The following CAND2 variants were observed in gnomAD, a reference collection of about 807,000 sequenced individuals.
CAND2 encodes the protein cullin associated and neddylation dissociated 2 (putative), also known as cullin-associated NEDD8-dissociated protein 2.
In CAND2, 62 loss-of-function variants were observed where a neutral mutation model predicts 98.9. The observed-to-expected ratio is 0.63, with a 90% CI of 0.51 to 0.77. The LOEUF (loss-of-function observed/expected upper bound fraction) is 0.77, where lower values mean the gene tolerates loss of function less well. Among genes scored for constraint, CAND2 ranks in the 30% least tolerant of loss-of-function variants. The pLI, the probability that CAND2 is intolerant of heterozygous loss-of-function variation, is 0.00. For synonymous variants in CAND2, 770 were observed against 731.9 expected (o/e 1.05, Z -0.84); for missense variants, 1,501 against 1,655.2 (o/e 0.91, Z 1.62).
intron 14 of CAND2, among the ~76,000 whole-genome samples, chr3:12,833,464 A>T (rs1316941925): frequency 6.6e-6 from 1 of 152,176 alleles, no homozygotes; most frequent in Non-Finnish European, 1.5e-5. Context: ...AGTACTTGCC[A>T]CTGTCAATTA....
intron 10 of CAND2, among the ~76,000 whole-genome samples, chr3:12,819,172 G>A (rs2061934393): frequency 6.6e-6 from 1 of 152,204 alleles, no homozygotes; most frequent in African/African-American, 2.4e-5. Flanking sequence ...TCTTGTGCCT[G>A]TCTTCATCAG....
intron 1 of CAND2, among the ~76,000 whole-genome samples, chr3:12,800,138 C>T (rs1458298833): frequency 6.6e-6 from 1 of 152,240 alleles, no homozygotes; most frequent in African/African-American, 2.4e-5. Flanking sequence ...CAAACCTCCT[C>T]CTTCACTTTA....
intron 11 of CAND2, among the ~76,000 whole-genome samples, chr3:12,821,479 C>T (rs2061956651): frequency 1.3e-5 from 2 of 152,206 alleles, no homozygotes; most frequent in Admixed American, 6.5e-5. Context: ...GGCCAGCAGA[C>T]GTGACCGTGT....
Position 12,815,121 on chromosome 3 carries a change from G to C in CAND2, c.1007-20G>C. ...GTCCTGGGAGATGAGGGTTCCACGT[G>C]TGTCTTGTTCCTGCCCCAGAGAGTG... On this transcript the variant is annotated intron_variant, in intron 7 of 14. Coordinates refer to ENST00000456430, the MANE Select transcript of CAND2 (RefSeq NM_001162499.2). This position sits in a 1 kb window ranked among gnomAD's most constrained non-coding sequence, Gnocchi z 5.7. 1 of 1,589,676 alleles carries C rather than the reference G, an allele frequency of 6.3e-7. No homozygotes were observed. Among genetic ancestry groups the C allele is most frequent in the Non-Finnish European group, 8.6e-7 (1 of 1,164,012 alleles).
chr3:12,821,158 C>T (rs532081344), intron 11 of CAND2, among the ~76,000 whole-genome samples: 33 of 151,786 alleles, frequency 2.2e-4, no homozygotes, highest in African/African-American at 5.3e-4. Context: ...CACTTGATCC[C>T]GGGAGGTGAA....
chr3:12,819,027 T>TCTTCTAGTA (rs1438015670), intron 10 of CAND2, among the ~76,000 whole-genome samples: 1 of 152,094 alleles, frequency 6.6e-6, no homozygotes, highest in Admixed American at 6.5e-5. Flanking sequence ...GCCAGATGAG[T>TCTTCTAGTA]GGTCTGCTTC....
At chr3:12,831,745 A>AG (rs2062055555) in intron 14 of CAND2, among the ~76,000 whole-genome samples, 173 bp downstream of exon 14, 1 of 152,206 alleles carries the variant, frequency 6.6e-6, no homozygotes, top group Admixed American at 6.5e-5. Context: ...TTGTATACAC[A>AG]GGGGAACAGA....
At chr3:12,830,481 C>T (rs1056128659) in intron 13 of CAND2, among the ~76,000 whole-genome samples, 2 of 152,150 alleles carry the variant, frequency 1.3e-5, no homozygotes, top group African/African-American at 4.8e-5. Context: ...CAAAGCTCCA[C>T]CTTGTGGGGA....
intron 4 of CAND2, among the ~76,000 whole-genome samples, chr3:12,809,079 G>A (rs1378178574): frequency 6.6e-6 from 1 of 152,120 alleles, no homozygotes; most frequent in African/African-American, 2.4e-5. Flanking sequence ...AAAGCAATTC[G>A]GGTTGTATTC....
chr3:12,802,147 GA>G (rs765125406), intron 1 of CAND2, among the ~76,000 whole-genome samples: 48 of 152,208 alleles, frequency 3.2e-4, no homozygotes, highest in Non-Finnish European at 5.1e-4. Context: ...CTAACACAGT[GA>G]AACCCCACCT....
chr3:12,825,875 T>C (rs2061995584), intron 12 of CAND2, among the ~76,000 whole-genome samples: 1 of 152,224 alleles, frequency 6.6e-6, no homozygotes, highest in Non-Finnish European at 1.5e-5. Context: ...ATAGGGTTGC[T>C]GCAACAATTT....
chr3:12,813,694 AT>A (rs778470464), intron 7 of CAND2, among the ~76,000 whole-genome samples: 1 of 152,244 alleles, frequency 6.6e-6, no homozygotes, highest in Non-Finnish European at 1.5e-5. Context: ...ACAACTAGGA[AT>A]TGGCATAGCT....
In CAND2 at chr3:12,813,265, C is replaced by A. The variant is rs542951453; in HGVS notation, c.883C>A (p.Pro295Thr). Residue 295 changes from proline (P) to threonine (T), a missense_variant, in exon 7 of 15, where the codon CCT becomes ACT. Physicochemically the swap from Pro to Thr is conservative, Grantham distance 38. This residue lies in a region of CAND2 where 1,427 missense variants were observed against 1,545.3 expected (regional missense o/e 0.92). Coordinates refer to ENST00000456430, the MANE Select transcript of CAND2 (RefSeq NM_001162499.2). ...FLRKCPKEMGPHVPNVTSLCL... is the reference protein window; with the variant it reads ...FLRKCPKEMGTHVPNVTSLCL... ...CCACAGGTGCCCCAAGGAAATGGGT[C>A]CTCACGTGCCCAACGTGACCAGCCT... 8.1e-6 allele frequency: 13 copies of A among 1,613,566 alleles called. No homozygotes were observed. In the African/African-American group the frequency reaches 1.5e-4, roughly 18 times the overall value.
At chr3:12,825,434 T>C in intron 11 of CAND2, 36 bp from the exon 12 acceptor site, 1 of 1,533,756 alleles carries the variant, frequency 6.5e-7, no homozygotes, top group Non-Finnish European at 8.8e-7. Flanking sequence ...GTGCTTTGGC[T>C]GTGCATCCCC....
At chr3:12,818,006 A>G (rs2061924004) in intron 10 of CAND2, 130 bp downstream of exon 10, 3 of 794,748 alleles carry the variant, frequency 3.8e-6, no homozygotes, top group African/African-American at 3.5e-5. Flanking sequence ...TCTATACGAC[A>G]GAGGCAAGGA....
At position 12,810,234 on chromosome 3, in the gene CAND2, C is replaced by T; in HGVS notation, c.667C>T (p.Pro223Ser). 1 of 1,532,694 alleles carries T rather than the reference C, an allele frequency of 6.5e-7. No homozygotes were observed. Among genetic ancestry groups the T allele is most frequent in the African/African-American group, 1.4e-5 (1 of 70,876 alleles). The allele number at this position is 1,532,694 out of a possible 1,614,324, so 94.9% of individuals were successfully genotyped here. A position where few individuals can be genotyped will look rare whatever the true frequency, so the allele number is the denominator to read the frequency against. The change falls in exon 5 of 15, where the codon CCC (proline) becomes TCC (serine). Residue 223 changes from proline to serine, a missense_variant. Transcript: ENST00000456430. ...CGCTGACCACCTACTGGACCGGCTG[C>T]CCGGCCCGCGGGTGCCCACCAGCCC... ...ELADHLLDRL[P>S]GPRVPTSPTA...
chr3:12,803,904 A>C (rs899217459), intron 2 of CAND2, among the ~76,000 whole-genome samples: 3 of 152,144 alleles, frequency 2.0e-5, no homozygotes, highest in Admixed American at 6.5e-5. Context: ...GTACGAAGCA[A>C]GTGACCACAG....
chr3:12,803,858 G>A (rs1479847042), intron 2 of CAND2, among the ~76,000 whole-genome samples: 1 of 152,156 alleles, frequency 6.6e-6, no homozygotes, highest in African/African-American at 2.4e-5. Context: ...GTAGGGAAGT[G>A]AGGCAGGAAA....
At chr3:12,821,441 G>C (rs112757798) in intron 11 of CAND2, among the ~76,000 whole-genome samples, 46 of 152,244 alleles carry the variant, frequency 3.0e-4, no homozygotes, top group African/African-American at 1.1e-3. Context: ...ATACTCATCT[G>C]CCAGGGGCCT....
Sources: gnomAD v4.1 joint callset for allele counts (sites outside exome capture counted in the v4.1 genomes callset) on GRCh38, gnomAD v4.1.1 for gene constraint, gnomAD v4.1.1 regional missense constraint, Gnocchi (gnomAD v3.1) non-coding constraint, MANE v1.5 for transcripts, NCBI Gene and HGNC (gene_info 2026-07-23, HGNC 2026-07-21) for gene names.